Variants in KMT2A observed in about 807,000 individuals in gnomAD.
KMT2A encodes the protein histone-lysine N-methyltransferase 2A.
A neutral mutation model predicts 345.3 loss-of-function variants in KMT2A; 16 were observed. That is an observed-to-expected ratio of 0.05 (90% CI 0.03 to 0.07). KMT2A has a LOEUF of 0.07. KMT2A is among the 10% of genes least tolerant of loss of function. The pLI is 1.00. For missense variants in KMT2A, 3,272 were observed against 4,841.6 expected (o/e 0.68, Z 9.62); for synonymous variants, 1,599 against 1,778.6 (o/e 0.90, Z 2.54).
chr11:118,501,858 G>GT lies in KMT2A; in HGVS notation c.6505+2dup. The GT allele has an allele frequency of 6.2e-7, 1 of 1,609,640 alleles. No individual in the cohort carries two copies. Among genetic ancestry groups the GT allele is most frequent in the Non-Finnish European group, 8.5e-7 (1 of 1,178,320 alleles). On this transcript the variant is annotated splice_donor_variant, in intron 26 of 35. Transcript: ENST00000534358. LOFTEE classifies it high-confidence loss of function. ...GGCTGTCGACCGTTGCCTTCTGCAGGTAAAAGACTTTATTGACCTACTTGA... is the reference window on the plus strand; with the variant it reads ...GGCTGTCGACCGTTGCCTTCTGCAGGTTAAAAGACTTTATTGACCTACTTGA...
At chr11:118,483,218 G>A (rs1414548210) in intron 8 of KMT2A, among the ~76,000 whole-genome samples, 2 of 143,664 alleles carry the variant, frequency 1.4e-5, no homozygotes, top group African/African-American at 5.2e-5. Context: ...GGACAACAGA[G>A]CTAGACTCCA....
At chr11:118,462,210 T>G (rs1330145236) in intron 1 of KMT2A, among the ~76,000 whole-genome samples, 1 of 152,140 alleles carries the variant, frequency 6.6e-6, no homozygotes, top group Non-Finnish European at 1.5e-5. Flanking sequence ...CATCTCTACC[T>G]TCCAAAGTGC....
intron 1 of KMT2A, among the ~76,000 whole-genome samples, chr11:118,467,376 C>CAAAAA (rs782320114): frequency 1.8e-5 from 2 of 114,204 alleles, no homozygotes; most frequent in African/African-American, 6.4e-5. Flanking sequence ...GACTCCGTCT[C>CAAAAA]AAAAAAAAAA....
At chr11:118,514,988 A>G (rs1250428308) in intron 31 of KMT2A, among the ~76,000 whole-genome samples, 2 of 152,046 alleles carry the variant, frequency 1.3e-5, no homozygotes, top group African/African-American at 4.8e-5. Context: ...AGGCTACTCT[A>G]GAACTCCTGA....
rs993240045 is a variant in KMT2A at position 118,523,434 on chromosome 11, C to G, written c.*1262C>G. 1.8e-5 allele frequency: 4 copies of G among 227,858 alleles called. No individual in the cohort carries two copies. The highest frequency in any genetic ancestry group is 4.4e-5 in the African/African-American group (2 of 45,040). The allele number at this position is 227,858 out of a possible 1,614,324, so 14.1% of individuals were successfully genotyped here. The stretch of plus-strand genomic sequence containing the variant: ...CAATGACACTACTGCCCTGATTACT[C>G]CTTAGGATGTGGTCAAAACAGCATC... On this transcript the variant is annotated 3_prime_UTR_variant, in exon 36 of 36. Coordinates refer to ENST00000534358, the MANE Select transcript of KMT2A (RefSeq NM_001197104.2).
intron 2 of KMT2A, 131 bp downstream of exon 2, chr11:118,468,975 T>A (rs1555034829): frequency 1.9e-6 from 1 of 538,340 alleles, no homozygotes; most frequent in African/African-American, 2.0e-5. Context: ...GAGCTAGACT[T>A]CTTTTTATTT....
In KMT2A at chr11:118,491,165, A is replaced by AGCAC. The variant is rs782298665; in HGVS notation, c.4697-30_4697-27dup. 1 of 1,608,862 alleles carries AGCAC rather than the reference A, an allele frequency of 6.2e-7. No homozygotes were observed. Among genetic ancestry groups the AGCAC allele is most frequent in the Admixed American group, 1.7e-5 (1 of 58,948 alleles). On this transcript the variant is annotated intron_variant, in intron 13 of 35. Transcript: ENST00000534358. The surrounding 1 kb of genome is among the most constrained non-coding windows in gnomAD (Gnocchi z 4.2). ...GTAAAAACACGGGTATGTGAGCCAA[A>AGCAC]GCACTGCTGTAAACTTTGCTTTGCT...
intron 1 of KMT2A, among the ~76,000 whole-genome samples, chr11:118,465,903 G>A (rs782055111): frequency 9.2e-5 from 14 of 151,876 alleles, no homozygotes; most frequent in Non-Finnish European, 1.2e-4. Context: ...AGGAGTTTTG[G>A]CTGTTTTTGT....
chr11:118,511,772 C>T (rs532064851), intron 30 of KMT2A, 179 bp from the exon 31 acceptor site: 22 of 639,122 alleles, frequency 3.4e-5, no homozygotes, highest in African/African-American at 5.6e-5. Context: ...TGTACCTTTT[C>T]GGCTCCTTTC....
intron 8 of KMT2A, among the ~76,000 whole-genome samples, chr11:118,482,962 G>T (rs1342779548): frequency 6.6e-6 from 1 of 152,182 alleles, no homozygotes; most frequent in Non-Finnish European, 1.5e-5. Context: ...GCAAGGCGCA[G>T]CGGCTCACGC....
chr11:118,498,421 T>A lies in KMT2A; in HGVS notation c.5854T>A (p.Ser1952Thr). 1.2e-6 allele frequency: 2 copies of A among 1,613,816 alleles called. No homozygotes were observed. Among genetic ancestry groups the A allele is most frequent in the Non-Finnish European group, 1.7e-6 (2 of 1,179,916 alleles). ...PGATVGCCLT[S>T]CTSNYHFMCS... is the part of the protein sequence containing the mutation. ...AGCCACCGTGGGTTGCTGTCTCACATCCTGCACCAGCAACTATCACTTCAT... is the reference window on the plus strand; with the variant it reads ...AGCCACCGTGGGTTGCTGTCTCACAACCTGCACCAGCAACTATCACTTCAT... Residue 1952 changes from serine (S) to threonine (T), a missense_variant, in exon 22 of 36, where the codon TCC becomes ACC. Ser to Thr is a moderately conservative substitution (Grantham distance 58). Around this residue, in one of 27 missense-constraint regions of KMT2A, gnomAD observed 235 missense variants for 503.4 expected, o/e 0.47. Transcript: ENST00000534358. This position sits in a 1 kb window ranked among gnomAD's most constrained non-coding sequence, Gnocchi z 4.4.
rs1950658359 is a variant in KMT2A at position 118,510,182 on chromosome 11, C to A, written c.11071+64C>A. ...CCTGTTTCAGCTAGAGCTTCATTTT[C>A]TGAGTATTAGCACCATTTAGGTGGC... On this transcript the variant is annotated intron_variant, in intron 30 of 35. Transcript: ENST00000534358. This position sits in a 1 kb window ranked among gnomAD's most constrained non-coding sequence, Gnocchi z 4.1. The A allele has an allele frequency of 7.3e-7, 1 of 1,372,854 alleles. No individual in the cohort carries two copies. Among genetic ancestry groups the A allele is most frequent in the South Asian group, 1.4e-5 (1 of 72,978 alleles). The allele number at this position is 1,372,854 out of a possible 1,614,324, so 85.0% of individuals were successfully genotyped here. A position where few individuals can be genotyped will look rare whatever the true frequency, so the allele number is the denominator to read the frequency against.
Position 118,484,540 on chromosome 11 carries a change from C to A in KMT2A, c.4218+226C>A, listed in dbSNP as rs782308631. The stretch of plus-strand genomic sequence containing the variant: ...TACATAATGAAACATTCCTATCCAT[C>A]CTGAGCAGTATCAGAGGAAGTAATT... On this transcript the variant is annotated intron_variant, in intron 9 of 35. Coordinates refer to ENST00000534358, the MANE Select transcript of KMT2A (RefSeq NM_001197104.2). The surrounding 1 kb of genome is among the most constrained non-coding windows in gnomAD (Gnocchi z 4.1). Among the ~76,000 whole-genome samples, 22 of 152,134 alleles carry A rather than the reference C, an allele frequency of 1.4e-4. No individual in the cohort carries two copies. Among genetic ancestry groups the A allele is most frequent in the Non-Finnish European group, 2.5e-4 (17 of 68,032 alleles).
chr11:118,498,531 G>A lies in KMT2A; in HGVS notation c.5961+3G>A, dbSNP rs2134368471. 6.3e-7 allele frequency: 1 copy of A among 1,593,492 alleles called. No individual in the cohort carries two copies. The highest frequency in any genetic ancestry group is 8.5e-7 in the Non-Finnish European group (1 of 1,172,692). On this transcript the variant is annotated splice_donor_region_variant and intron_variant, in intron 22 of 35. Transcript: ENST00000534358. The surrounding 1 kb of genome is among the most constrained non-coding windows in gnomAD (Gnocchi z 4.4). ...ATCGGGATTTGATCAAAGGCGAAGT[G>A]AGAGAGCTTTAGTTGCTTTAAAAAA...
intron 2 of KMT2A, among the ~76,000 whole-genome samples, chr11:118,470,057 T>C (rs1327087167): frequency 6.6e-5 from 10 of 152,218 alleles, no homozygotes; most frequent in African/African-American, 2.2e-4. Flanking sequence ...ATGAAATACA[T>C]GAGTAATGAT....
chr11:118,494,604 C>T lies in KMT2A; in HGVS notation c.5290-90C>T, dbSNP rs562066180. 1.1e-4 allele frequency: 122 copies of T among 1,152,506 alleles called. No individual in the cohort carries two copies. The South Asian group carries it at 1.3e-3, about 13-fold the overall frequency. The allele number at this position is 1,152,506 out of a possible 1,614,324, so 71.4% of individuals were successfully genotyped here. A position where few individuals can be genotyped will look rare whatever the true frequency, so the allele number is the denominator to read the frequency against. On this transcript the variant is annotated intron_variant, in intron 17 of 35. Coordinates refer to ENST00000534358, the MANE Select transcript of KMT2A (RefSeq NM_001197104.2). This position sits in a 1 kb window ranked among gnomAD's most constrained non-coding sequence, Gnocchi z 5.8. ...TCTCTTGGTGGCCTGAAATTATCCT[C>T]GTATTAACAGAGAAGCTGGTTTGAA...
In KMT2A at chr11:118,493,061, C is replaced by G; in HGVS notation, c.5009C>G (p.Ala1670Gly). The change falls in exon 16 of 36, where the codon GCC becomes GGC. Residue 1670 changes from alanine (A) to glycine (G), a missense_variant. Ala to Gly is a moderately conservative substitution (Grantham distance 60). Around this residue, in one of 27 missense-constraint regions of KMT2A, gnomAD observed 66 missense variants for 80.1 expected, o/e 0.82. Transcript: ENST00000534358. The surrounding 1 kb of genome is among the most constrained non-coding windows in gnomAD (Gnocchi z 5.8). The part of the protein sequence containing the change: ...TSHLLRYRQA[A>G]KPPDLNPETE... ...ACATATCTTTCCTGGCAATAGGCTG[C>G]CAAGCCTCCAGACTTAAATCCCGAG... 6.2e-7 allele frequency: 1 copy of G among 1,612,304 alleles called. No individual in the cohort carries two copies. The highest frequency in any genetic ancestry group is 8.5e-7 in the Non-Finnish European group (1 of 1,178,970).
chr11:118,436,721 G>A lies in KMT2A; in HGVS notation c.209G>A (p.Ser70Asn), dbSNP rs1177309170. The stretch of plus-strand genomic sequence containing the variant: ...GCCGCGGCGGCGGCGGCGGGAAGCA[G>A]CGGGGCTGGGGTTCCAGGGGGAGCG... ...VAAAAAAAGSSGAGVPGGAAA... is the reference protein window; with the variant it reads ...VAAAAAAAGSNGAGVPGGAAA... The change falls in exon 1 of 36, where the codon AGC becomes AAC. Residue 70 changes from serine to asparagine, a missense_variant. By Grantham distance (46) the Ser-to-Asn change is conservative (BLOSUM62 1). Coordinates refer to ENST00000534358, the MANE Select transcript of KMT2A (RefSeq NM_001197104.2). This position sits in a 1 kb window ranked among gnomAD's most constrained non-coding sequence, Gnocchi z 6.9. 1.6e-5 allele frequency: 23 copies of A among 1,431,480 alleles called. No homozygotes were observed. Among genetic ancestry groups the A allele is most frequent in the Non-Finnish European group, 2.0e-5 (22 of 1,085,028 alleles). The allele number at this position is 1,431,480 out of a possible 1,614,324, so 88.7% of individuals were successfully genotyped here. A position where few individuals can be genotyped will look rare whatever the true frequency, so the allele number is the denominator to read the frequency against.
chr11:118,520,892 C>A lies in KMT2A; in HGVS notation c.11513+7C>A, dbSNP rs184171418. 1.9e-6 allele frequency: 3 copies of A among 1,598,866 alleles called. No homozygotes were observed. The highest frequency in any genetic ancestry group is 2.6e-6 in the Non-Finnish European group (3 of 1,166,516). The stretch of plus-strand genomic sequence containing the variant: ...AGGCAGTTGGTGTCTACAGGTATGA[C>A]TAAAATTCTAGAAAGAATTACAGAA... On this transcript the variant is annotated splice_region_variant and intron_variant, in intron 34 of 35. Transcript: ENST00000534358. The surrounding 1 kb of genome is among the most constrained non-coding windows in gnomAD (Gnocchi z 4.3).
Sources: allele counts gnomAD v4.1 joint callset (sites outside exome capture counted in the v4.1 genomes callset), GRCh38; gene constraint gnomAD v4.1.1; regional missense constraint gnomAD v4.1.1; non-coding constraint Gnocchi (gnomAD v3.1); transcripts MANE v1.5; gene names NCBI Gene and HGNC (gene_info 2026-07-23, HGNC 2026-07-21).